Variants in MACROD2 observed in about 807,000 individuals in gnomAD.
MACROD2 encodes mono-ADP ribosylhydrolase 2.
Under a neutral mutation model 70.4 loss-of-function variants are expected in MACROD2, and 36 were observed. The ratio of observed to expected loss-of-function variants is 0.51; its 90% confidence interval spans 0.39 to 0.68. The LOEUF is 0.68. Among genes scored for constraint, MACROD2 ranks in the 30% least tolerant of loss-of-function variants. The probability of loss-of-function intolerance (pLI) is 0.00; values close to 1 mark genes in which losing one functional copy is unlikely to be tolerated. For missense variants in MACROD2, 496 were observed against 538.4 expected (o/e 0.92, Z 0.78); for synonymous variants, 172 against 178.8 (o/e 0.96, Z 0.30).
At chr20:15,153,742 G>C (rs2076287748) in intron 5 of MACROD2, among the ~76,000 whole-genome samples, 1 of 152,132 alleles carries the variant, frequency 6.6e-6, no homozygotes, top group Non-Finnish European at 1.5e-5. Context: ...TTTTAGGGTA[G>C]TGTCTCTATT....
intron 3 of MACROD2, among the ~76,000 whole-genome samples, chr20:14,281,595 A>G (rs1395186194): frequency 2.6e-5 from 4 of 152,124 alleles, no homozygotes; most frequent in African/African-American, 9.7e-5. Flanking sequence ...TGAATTCTGT[A>G]CTTTACAATG....
At chr20:15,999,874 C>T (rs1169978126) in intron 15 of MACROD2, among the ~76,000 whole-genome samples, 1 of 152,120 alleles carries the variant, frequency 6.6e-6, no homozygotes, top group African/African-American at 2.4e-5. Context: ...AGGGTGAAAA[C>T]CCAGGGTTAG....
chr20:14,735,335 A>G lies in MACROD2; in HGVS notation c.418+50376A>G, dbSNP rs189283376. ...AATTAGACAATGAACTTGAAAAGAC[A>G]TTTGTCTAAAGAAGGTATACGAATG... On this transcript the variant is annotated intron_variant, in intron 5 of 17. Coordinates refer to ENST00000684519, the MANE Select transcript of MACROD2 (RefSeq NM_001351661.2). Among the ~76,000 whole-genome samples, 21 of 152,308 alleles carry G rather than the reference A, an allele frequency of 1.4e-4. No homozygotes were observed. In the East Asian group the frequency reaches 4.1e-3, roughly 29 times the overall value.
intron 6 of MACROD2, among the ~76,000 whole-genome samples, chr20:15,374,543 G>C (rs765622406): frequency 6.6e-6 from 1 of 151,968 alleles, no homozygotes; most frequent in East Asian, 1.9e-4. Flanking sequence ...AGCTTTCCTT[G>C]GTGCCAGCTT....
At chr20:15,321,014 ATAAGCACT>A (rs2077868653) in intron 6 of MACROD2, among the ~76,000 whole-genome samples, 1 of 152,216 alleles carries the variant, frequency 6.6e-6, no homozygotes, top group African/African-American at 2.4e-5. Context: ...TCAGTTTGTG[ATAAGCACT>A]TAATAAATAT....
At chr20:15,762,303 A>G (rs144197166) in intron 8 of MACROD2, among the ~76,000 whole-genome samples, 2 of 152,312 alleles carry the variant, frequency 1.3e-5, no homozygotes, top group East Asian at 3.9e-4. Flanking sequence ...AAGGCAGGTG[A>G]CATTGATTAC....
At chr20:15,705,015 T>C (rs952434017) in intron 8 of MACROD2, among the ~76,000 whole-genome samples, 3 of 152,206 alleles carry the variant, frequency 2.0e-5, no homozygotes, top group Non-Finnish European at 4.4e-5. Context: ...ACTGCTTGAT[T>C]ACTCTGCTGC....
intron 5 of MACROD2, among the ~76,000 whole-genome samples, chr20:14,852,930 G>A (rs1260863537): frequency 6.6e-6 from 1 of 152,098 alleles, no homozygotes; most frequent in East Asian, 1.9e-4. Context: ...AGACGTTGCT[G>A]TCCTCAAGAA....
At chr20:15,082,660 TCAA>T (rs1167887958) in intron 5 of MACROD2, among the ~76,000 whole-genome samples, 2 of 151,952 alleles carry the variant, frequency 1.3e-5, no homozygotes, top group Non-Finnish European at 1.5e-5. Context: ...GAATTAGACT[TCAA>T]TAGTCTTGTG....
Position 15,516,863 on chromosome 20 carries a change from A to G in MACROD2, c.645+17016A>G, listed in dbSNP as rs531127362. ...CAGCAGTCTTTGTGACTTTGTTATCAGTAGAAATCACAGATATTTCCTATC... is the reference window on the plus strand; with the variant it reads ...CAGCAGTCTTTGTGACTTTGTTATCGGTAGAAATCACAGATATTTCCTATC... On this transcript the variant is annotated intron_variant, in intron 8 of 17. Transcript: ENST00000684519. 2.0e-5 allele frequency among the ~76,000 whole-genome samples: 3 copies of G among 152,310 alleles called. No individual in the cohort carries two copies. The East Asian group carries it at 5.8e-4, about 29-fold the overall frequency.
chr20:14,842,121 T>G (rs920161477), intron 5 of MACROD2, among the ~76,000 whole-genome samples: 1 of 152,140 alleles, frequency 6.6e-6, no homozygotes, highest in Non-Finnish European at 1.5e-5. Flanking sequence ...CATCATGGCA[T>G]GATTGAAGGC....
chr20:16,006,092 G>T (rs2066784160), intron 15 of MACROD2, among the ~76,000 whole-genome samples: 1 of 152,164 alleles, frequency 6.6e-6, no homozygotes, highest in African/African-American at 2.4e-5. Context: ...AACCACAGGA[G>T]AGCCACTATT....
chr20:15,331,577 GCTC>G (rs2077993065), intron 6 of MACROD2, among the ~76,000 whole-genome samples: 1 of 151,616 alleles, frequency 6.6e-6, no homozygotes, highest in South Asian at 2.1e-4. Flanking sequence ...GACAATTTAT[GCTC>G]AGTCCTCAGA....
intron 6 of MACROD2, among the ~76,000 whole-genome samples, chr20:15,232,348 G>A (rs1435288643): frequency 6.6e-6 from 1 of 152,010 alleles, no homozygotes; most frequent in Non-Finnish European, 1.5e-5. Context: ...AACTTAACTT[G>A]AACTCATTTA....
intron 8 of MACROD2, among the ~76,000 whole-genome samples, chr20:15,631,209 A>G (rs116425073): frequency 0.018 from 2,676 of 152,288 alleles, 70 homozygotes; most frequent in African/African-American, 0.055. Flanking sequence ...TTGCAGAAGG[A>G]CAGCACGGTC....
chr20:15,821,822 G>A (rs1057144587), intron 8 of MACROD2, among the ~76,000 whole-genome samples: 2 of 152,174 alleles, frequency 1.3e-5, no homozygotes, highest in Non-Finnish European at 2.9e-5. Flanking sequence ...ATGGAGCATT[G>A]TGGCTTTTGG....
chr20:15,710,573 C>G (rs1600793088), intron 8 of MACROD2, among the ~76,000 whole-genome samples: 1 of 152,164 alleles, frequency 6.6e-6, no homozygotes, highest in South Asian at 2.1e-4. Flanking sequence ...CTCATTTTAT[C>G]TCTAACAGAT....
chr20:14,930,606 T>G (rs533040130), intron 5 of MACROD2, among the ~76,000 whole-genome samples: 1 of 152,070 alleles, frequency 6.6e-6, no homozygotes, highest in African/African-American at 2.4e-5. Flanking sequence ...ATGCCTGCCA[T>G]GACACCTTCT....
intron 6 of MACROD2, among the ~76,000 whole-genome samples, chr20:15,397,463 G>GTTTGT (rs58259431): frequency 0.06 from 9,049 of 151,568 alleles, 739 homozygotes; most frequent in African/African-American, 0.18. Context: ...CCTGGCTAAT[G>GTTTGT]TTTGTTTTGT....
Sources: gnomAD v4.1 joint callset for allele counts (sites outside exome capture counted in the v4.1 genomes callset) on GRCh38, gnomAD v4.1.1 for gene constraint, MANE v1.5 for transcripts, NCBI Gene and HGNC (gene_info 2026-07-23, HGNC 2026-07-21) for gene names.